MAF: variants seen among roughly 807,000 people sequenced by gnomAD.
MAF encodes transcription factor Maf.
Under a neutral mutation model 22.0 loss-of-function variants are expected in MAF, and 10 were observed. The observed-to-expected ratio is 0.45, with a 90% CI of 0.28 to 0.77. MAF has a LOEUF of 0.77. MAF is among the 30% of genes least tolerant of loss of function. MAF has a pLI of 0.12. For synonymous variants in MAF, 337 were observed against 255.8 expected (o/e 1.32, Z -3.03); for missense variants, 544 against 548.4 (o/e 0.99, Z 0.08).
Position 79,598,797 on chromosome 16 carries a change from G to C in MAF, c.1106C>G (p.Pro369Arg). 1 of 1,613,848 alleles carries C rather than the reference G, an allele frequency of 6.2e-7. No individual in the cohort carries two copies. Among genetic ancestry groups the C allele is most frequent in the Non-Finnish European group, 8.5e-7 (1 of 1,179,976 alleles). ...GTGTCAGACTCACATGAAAAACTCGGGAGAGGACGGGTTGTCGCTGCTCGA... is the reference window on the plus strand; with the variant it reads ...GTGTCAGACTCACATGAAAAACTCGCGAGAGGACGGGTTGTCGCTGCTCGA... The part of the protein sequence containing the change: ...NGSSSDNPSS[P>R]EFFITEPTRK... The change falls in exon 1 of 2, where the codon CCC becomes CGC. Residue 369 changes from proline (P) to arginine (R), a missense_variant. Physicochemically the swap from Pro to Arg is moderately radical, Grantham distance 103. Around this residue, in one of 5 missense-constraint regions of MAF, gnomAD observed 129 missense variants for 113.6 expected, o/e 1.14. Coordinates refer to ENST00000326043, the MANE Select transcript of MAF (RefSeq NM_005360.5).
the MAF span, among the ~76,000 whole-genome samples, chr16:79,373,852 C>T: frequency 2.0e-5 from 3 of 152,102 alleles, no homozygotes; most frequent in Admixed American, 2.0e-4. Flanking sequence ...GAAGTAAATT[C>T]CTTTTAAAAT....
chr16:79,490,166 G>A, the MAF span, among the ~76,000 whole-genome samples: 1 of 152,194 alleles, frequency 6.6e-6, no homozygotes, highest in African/African-American at 2.4e-5. Context: ...TGACCCATCA[G>A]GGAACCCTAA....
the MAF span, among the ~76,000 whole-genome samples, chr16:79,363,628 G>C: frequency 1.3e-5 from 2 of 152,158 alleles, no homozygotes; most frequent in Non-Finnish European, 2.9e-5. Context: ...GTTAAGTCCA[G>C]AGCATCTGTA....
At chr16:79,310,514 T>C in the MAF span, among the ~76,000 whole-genome samples, 3 of 152,150 alleles carry the variant, frequency 2.0e-5, no homozygotes, top group African/African-American at 4.8e-5. Flanking sequence ...ATTTATTGCT[T>C]TCACATCTGG....
At chr16:79,239,153 A>G in the MAF span, among the ~76,000 whole-genome samples, 4 of 152,040 alleles carry the variant, frequency 2.6e-5, no homozygotes, top group African/African-American at 4.8e-5. Context: ...TTGTGTTTGC[A>G]GCTCCTGATT....
the MAF span, among the ~76,000 whole-genome samples, chr16:79,524,003 C>T: frequency 6.6e-6 from 1 of 152,168 alleles, no homozygotes; most frequent in Admixed American, 6.5e-5. Flanking sequence ...CCAAGCCATC[C>T]AGTATAAATA....
the MAF span, among the ~76,000 whole-genome samples, chr16:79,393,871 G>C: frequency 1.3e-5 from 2 of 152,198 alleles, no homozygotes; most frequent in African/African-American, 4.8e-5. Context: ...GCAAACAGAA[G>C]AAGGTGGTTG....
the MAF span, chr16:79,212,252 G>T: frequency 7.5e-7 from 1 of 1,328,260 alleles, no homozygotes; most frequent in Admixed American, 2.9e-5. Context: ...TGATCCAGGA[G>T]ATAATTGTTT....
chr16:79,295,011 G>C, the MAF span, among the ~76,000 whole-genome samples: 1 of 137,582 alleles, frequency 7.3e-6, no homozygotes, highest in Non-Finnish European at 1.5e-5. Context: ...CCTAGAGCAG[G>C]TTACAAGAAA....
the MAF span, among the ~76,000 whole-genome samples, chr16:79,340,574 G>T: frequency 3.3e-5 from 5 of 151,902 alleles, no homozygotes; most frequent in South Asian, 8.4e-4. Flanking sequence ...TGGCATTTGG[G>T]ATCAGATAAT....
At chr16:79,554,637 C>G in the MAF span, among the ~76,000 whole-genome samples, 2 of 152,268 alleles carry the variant, frequency 1.3e-5, no homozygotes, top group African/African-American at 4.8e-5. Context: ...ATTACTCAGT[C>G]TCCCAGGATG....
the MAF span, among the ~76,000 whole-genome samples, chr16:79,438,385 A>C: frequency 1.3e-5 from 2 of 152,182 alleles, no homozygotes; most frequent in African/African-American, 4.8e-5. Context: ...TTAGAAACTC[A>C]GGACGTTTGA....
chr16:79,211,570 C>T, the MAF span: 5 of 1,613,806 alleles, frequency 3.1e-6, no homozygotes, highest in Non-Finnish European at 3.4e-6. Context: ...CACTCCTTTT[C>T]TTAAAATTTT....
downstream of MAF, among the ~76,000 whole-genome samples, chr16:79,582,548 C>T (rs139634386): frequency 8.2e-4 from 125 of 152,216 alleles, 1 homozygote; most frequent in African/African-American, 2.8e-3. Context: ...TTGATTAAAT[C>T]GGCTCAGTAG....
At chr16:79,468,181 T>C in the MAF span, among the ~76,000 whole-genome samples, 22 of 152,296 alleles carry the variant, frequency 1.4e-4, no homozygotes, top group African/African-American at 5.3e-4. Context: ...CAGAGGGCCC[T>C]GCACATACTC....
chr16:79,447,634 G>T, the MAF span, among the ~76,000 whole-genome samples: 7 of 152,240 alleles, frequency 4.6e-5, no homozygotes, highest in African/African-American at 1.7e-4. Flanking sequence ...CATTAGAAAC[G>T]TTTGTGATTC....
At chr16:79,491,551 C>T in the MAF span, among the ~76,000 whole-genome samples, 31 of 152,090 alleles carry the variant, frequency 2.0e-4, no homozygotes, top group African/African-American at 7.5e-4. Flanking sequence ...CCAGGTAGAA[C>T]CTTGGTTTCT....
At chr16:79,222,383 A>G in the MAF span, among the ~76,000 whole-genome samples, 1 of 152,320 alleles carries the variant, frequency 6.6e-6, no homozygotes, top group East Asian at 1.9e-4. Context: ...CTGCAAAAAG[A>G]TACCAAATTG....
chr16:79,305,983 C>G, the MAF span, among the ~76,000 whole-genome samples: 1 of 152,204 alleles, frequency 6.6e-6, no homozygotes, highest in Non-Finnish European at 1.5e-5. Flanking sequence ...GCATGCCCCT[C>G]TTGTCATTTT....
Sources: allele counts gnomAD v4.1 joint callset (sites outside exome capture counted in the v4.1 genomes callset), GRCh38; gene constraint gnomAD v4.1.1; regional missense constraint gnomAD v4.1.1; transcripts MANE v1.5; gene names NCBI Gene and HGNC (gene_info 2026-07-23, HGNC 2026-07-21).